The following NRXN3 variants were observed in gnomAD, a reference collection of about 807,000 sequenced individuals.
The protein encoded by NRXN3 is neurexin 3.
A neutral mutation model predicts 137.6 loss-of-function variants in NRXN3; 32 were observed. The observed-to-expected ratio is 0.23, with a 90% CI of 0.18 to 0.31. The LOEUF (loss-of-function observed/expected upper bound fraction) is 0.31. Among genes scored for constraint, NRXN3 ranks in the 10% least tolerant of loss-of-function variants. NRXN3 has a pLI of 1.00. For synonymous variants in NRXN3, 798 were observed against 784.5 expected, an observed-to-expected ratio of 1.02 and a Z score of -0.29; for missense variants, 1,574 against 2,062.5, an observed-to-expected ratio of 0.76 and a Z score of 4.59.
chr14:79,260,365 A>T (rs1309575965), intron 15 of NRXN3, among the ~76,000 whole-genome samples: 4 of 152,174 alleles, frequency 2.6e-5, no homozygotes, highest in African/African-American at 7.2e-5. Context: ...GGGAAGTATG[A>T]TCTGTCCTTA....
At chr14:78,171,428 T>C (rs2058715105) in intron 1 of NRXN3, among the ~76,000 whole-genome samples, 1 of 152,090 alleles carries the variant, frequency 6.6e-6, no homozygotes, top group African/African-American at 2.4e-5. Flanking sequence ...CATTTGTTTA[T>C]ATTAATGATT....
At chr14:78,824,154 A>C (rs1235741360) in intron 10 of NRXN3, among the ~76,000 whole-genome samples, 1 of 132,646 alleles carries the variant, frequency 7.5e-6, no homozygotes, top group Admixed American at 8.6e-5. Flanking sequence ...GCTCCTTAGG[A>C]AAGAATCCTG....
intron 16 of NRXN3, among the ~76,000 whole-genome samples, chr14:79,546,739 C>A (rs540567184): frequency 6.6e-6 from 1 of 152,126 alleles, no homozygotes; most frequent in Non-Finnish European, 1.5e-5. Context: ...TCCTGATATA[C>A]ACATTTATCA....
At chr14:78,767,981 A>G (rs894469943) in intron 8 of NRXN3, among the ~76,000 whole-genome samples, 1 of 151,780 alleles carries the variant, frequency 6.6e-6, no homozygotes, top group African/African-American at 2.4e-5. Context: ...CACATATAAA[A>G]TTTGTCCTTC....
rs150159200 is a variant in NRXN3 at position 79,763,514 on chromosome 14, T to G, written c.4015-41598T>G. Among the ~76,000 whole-genome samples the G allele has an allele frequency of 3.5e-3, 531 of 151,730 alleles. 27 individuals are homozygous for G. Among genetic ancestry groups the G allele is most frequent in the African/African-American group, 0.013 (518 of 41,010 alleles). On this transcript the variant is annotated intron_variant, in intron 19 of 20. Transcript: ENST00000335750. The stretch of plus-strand genomic sequence containing the variant: ...CATGACAGTGAGTTTCAAAGGCAGA[T>G]AGCTATCTTAGTCCATTTAGGGTGC...
chr14:78,234,086 A>G (rs2065847006), intron 1 of NRXN3, among the ~76,000 whole-genome samples: 1 of 152,164 alleles, frequency 6.6e-6, no homozygotes, highest in Admixed American at 6.5e-5. Context: ...TCCCCTGCAC[A>G]AGGTTTCTCT....
chr14:79,149,493 A>G (rs2059607021), intron 15 of NRXN3, among the ~76,000 whole-genome samples: 1 of 152,150 alleles, frequency 6.6e-6, no homozygotes, highest in Non-Finnish European at 1.5e-5. Context: ...CAAGTGCTCT[A>G]TGACATTACT....
chr14:79,191,145 T>C (rs2064248719), intron 15 of NRXN3, among the ~76,000 whole-genome samples: 1 of 152,202 alleles, frequency 6.6e-6, no homozygotes, highest in Admixed American at 6.5e-5. Flanking sequence ...AAGAAACTGC[T>C]ATGCCCATTG....
intron 1 of NRXN3, among the ~76,000 whole-genome samples, chr14:78,225,800 C>T (rs531267683): frequency 2.6e-5 from 4 of 152,226 alleles, no homozygotes; most frequent in East Asian, 3.9e-4. Flanking sequence ...CCCCTGTGGC[C>T]GGGTCTAGCA....
At position 78,709,583 on chromosome 14, in the gene NRXN3, G is replaced by C; in HGVS notation, c.1588G>C (p.Val530Leu). The change falls in exon 7 of 21, where the codon GTG becomes CTG. Residue 530 changes from valine (V) to leucine (L), a missense_variant. Transcript: ENST00000335750. ...TGACATGGGCTCTGGCACCATCAAA[G>C]TGAAAGCCACTCAGAAGAAAGCCAA... ...LLDMGSGTIK[V>L]KATQKKANDG... The C allele has an allele frequency of 6.2e-7, 1 of 1,614,074 alleles. No individual in the cohort carries two copies.
At chr14:78,854,076 T>G (rs920333805) in intron 10 of NRXN3, among the ~76,000 whole-genome samples, 7 of 152,250 alleles carry the variant, frequency 4.6e-5, no homozygotes, top group African/African-American at 1.7e-4. Flanking sequence ...TATGGCAACC[T>G]TTAATTATAC....
At chr14:78,423,498 C>T (rs1337302235) in intron 4 of NRXN3, among the ~76,000 whole-genome samples, 1 of 152,148 alleles carries the variant, frequency 6.6e-6, no homozygotes, top group Non-Finnish European at 1.5e-5. Context: ...AATGACGGCG[C>T]CTCATCAATA....
At chr14:78,359,545 TTG>T (rs1196909749) in intron 4 of NRXN3, among the ~76,000 whole-genome samples, 5 of 152,162 alleles carry the variant, frequency 3.3e-5, no homozygotes, top group African/African-American at 1.2e-4. Flanking sequence ...GCAGCTAGAG[TTG>T]AGCTACTGTA....
chr14:79,670,436 A>G (rs112708450), intron 17 of NRXN3, among the ~76,000 whole-genome samples: 10,028 of 152,084 alleles, frequency 0.066, 405 homozygotes, highest in Middle Eastern at 0.12. Context: ...CAACCTTGAG[A>G]AGGTTCCCGC....
Position 78,361,804 on chromosome 14 carries a change from C to T in NRXN3, c.757+63944C>T, listed in dbSNP as rs371050205. Among the ~76,000 whole-genome samples the T allele has an allele frequency of 4.7e-4, 71 of 152,300 alleles. 1 individual carries two copies. In the Middle Eastern group the frequency reaches 0.02, roughly 44 times the overall value. On this transcript the variant is annotated intron_variant, in intron 4 of 20. Coordinates refer to ENST00000335750, the MANE Select transcript of NRXN3 (RefSeq NM_001330195.2). ...CAGCTCTCACCTCGACTTCCTAAAA[C>T]GGCTCCCTTTATTTGTCAAGCTATT...
intron 19 of NRXN3, among the ~76,000 whole-genome samples, chr14:79,763,565 T>C (rs2099046130): frequency 6.6e-6 from 1 of 151,528 alleles, no homozygotes; most frequent in Admixed American, 6.6e-5. Context: ...CAAAGTTAGG[T>C]ACATTATAAA....
chr14:78,631,287 T>C (rs1327810074), intron 4 of NRXN3, among the ~76,000 whole-genome samples: 1 of 152,204 alleles, frequency 6.6e-6, no homozygotes, highest in Admixed American at 6.5e-5. Flanking sequence ...GACAAGGTTT[T>C]TGTGTATTCT....
At chr14:79,719,644 A>C (rs178388) in intron 19 of NRXN3, among the ~76,000 whole-genome samples, 60,219 of 151,768 alleles carry the variant, frequency 0.4, 12,819 homozygotes, top group East Asian at 0.77. Flanking sequence ...TCCACCCGTG[A>C]TCCAACCCTC....
chr14:78,872,300 AATAT>A (rs2099103451), intron 10 of NRXN3, among the ~76,000 whole-genome samples: 2 of 147,964 alleles, frequency 1.4e-5, no homozygotes, highest in African/African-American at 4.9e-5. Flanking sequence ...TACATATTTT[AATAT>A]ATATATTTTA....
Sources: gnomAD v4.1 joint callset for allele counts (sites outside exome capture counted in the v4.1 genomes callset) on GRCh38, gnomAD v4.1.1 for gene constraint, MANE v1.5 for transcripts, NCBI Gene and HGNC (gene_info 2026-07-23, HGNC 2026-07-21) for gene names.